RIMBP2: variants seen among roughly 807,000 people sequenced by gnomAD.
RIMBP2 encodes RIMS binding protein 2, also known as RIMS-binding protein 2.
Under a neutral mutation model 118.6 loss-of-function variants are expected in RIMBP2, and 48 were observed. That is an observed-to-expected ratio of 0.40 (90% CI 0.32 to 0.51). The LOEUF is 0.51. RIMBP2 is among the 20% of genes least tolerant of loss of function. The pLI is 0.41. For synonymous variants in RIMBP2, 762 were observed against 742.9 expected (o/e 1.03, Z -0.42); for missense variants, 1,551 against 1,768.3 (o/e 0.88, Z 2.20).
rs114717216 is a variant in RIMBP2, at chr12:130,438,566, G to C, written c.1505-50C>G. On this transcript the variant is annotated intron_variant, in intron 11 of 22. Coordinates refer to ENST00000690449, the MANE Select transcript of RIMBP2 (RefSeq NM_001393629.1). ...AGGCGTTCAGGGACCAGCCCTGGCAGGTGAGCCGTGACTGGGCTCTGCCCA... is the reference window on the plus strand; with the variant it reads ...AGGCGTTCAGGGACCAGCCCTGGCACGTGAGCCGTGACTGGGCTCTGCCCA... 172 of 1,477,780 alleles carry C rather than the reference G, an allele frequency of 1.2e-4. No homozygotes were observed. In the African/African-American group the frequency reaches 2.2e-3, roughly 19 times the overall value. The allele number at this position is 1,477,780 out of a possible 1,614,324, so 91.5% of individuals were successfully genotyped here.
intron 2 of RIMBP2, among the ~76,000 whole-genome samples, chr12:130,569,489 C>A (rs2057471972): frequency 6.6e-6 from 1 of 152,234 alleles, no homozygotes; most frequent in Non-Finnish European, 1.5e-5. Flanking sequence ...AAATACCTGT[C>A]TACATAAACT....
chr12:130,678,423 C>T (rs1298847914), intron 1 of RIMBP2, among the ~76,000 whole-genome samples: 1 of 152,222 alleles, frequency 6.6e-6, no homozygotes, highest in Non-Finnish European at 1.5e-5. Flanking sequence ...ACCAAAGGGG[C>T]GAAGTGCCCG....
rs74875315 is a variant in RIMBP2 at position 130,512,329 on chromosome 12, C to T, written c.-127+5499G>A. Among the ~76,000 whole-genome samples, 823 of 149,960 alleles carry T rather than the reference C, an allele frequency of 5.5e-3. 12 individuals are homozygous for T. The highest frequency in any genetic ancestry group is 0.019 in the African/African-American group (785 of 40,904). On this transcript the variant is annotated intron_variant, in intron 3 of 22. Transcript: ENST00000690449. ...TCTCTGCCTCAAAGTCCATTGCTTT[C>T]TTTTTTTTTTCTTGAGAGAGCCTCA...
intron 2 of RIMBP2, among the ~76,000 whole-genome samples, chr12:130,568,949 T>C (rs1029317668): frequency 4.6e-5 from 7 of 151,924 alleles, no homozygotes; most frequent in Non-Finnish European, 2.9e-5. Context: ...CACACAGCCA[T>C]TGTAACTATT....
At chr12:130,435,041 C>T (rs568038257) in intron 13 of RIMBP2, among the ~76,000 whole-genome samples, 161 bp from the exon 14 acceptor site, 26 of 151,244 alleles carry the variant, frequency 1.7e-4, no homozygotes, top group South Asian at 8.4e-4. Flanking sequence ...GCCCCAGACC[C>T]ACCAGAATCT....
intron 2 of RIMBP2, among the ~76,000 whole-genome samples, chr12:130,522,039 A>G (rs1377105033): frequency 6.6e-6 from 1 of 152,080 alleles, no homozygotes; most frequent in Non-Finnish European, 1.5e-5. Context: ...CCTTACCTCC[A>G]CTTATGCCCA....
intron 2 of RIMBP2, among the ~76,000 whole-genome samples, chr12:130,594,173 G>A (rs1486172391): frequency 6.6e-6 from 1 of 152,198 alleles, no homozygotes; most frequent in African/African-American, 2.4e-5. Context: ...TCACTTTTGG[G>A]AAGAACCTTC....
intron 21 of RIMBP2, among the ~76,000 whole-genome samples, chr12:130,403,073 A>G (rs758376732): frequency 1.1e-4 from 17 of 152,204 alleles, no homozygotes; most frequent in Non-Finnish European, 2.5e-4. Flanking sequence ...AGAACAGAGA[A>G]AGAGGAGGGT....
In RIMBP2 at chr12:130,664,417, A is replaced by ACGCACACG. The variant is rs1566439003; in HGVS notation, c.-351-35962_-351-35961insCGTGTGCG. ...CACACACGCACGCACGCACGCACACACACGCACACACATGCATGCACGCAC... is the reference window on the plus strand; with the variant it reads ...CACACACGCACGCACGCACGCACACACGCACACGCACGCACACACATGCATGCACGCAC... On this transcript the variant is annotated intron_variant, in intron 1 of 22. Coordinates refer to ENST00000690449, the MANE Select transcript of RIMBP2 (RefSeq NM_001393629.1). 5.0e-5 allele frequency among the ~76,000 whole-genome samples: 4 copies of ACGCACACG among 80,050 alleles called. 1 individual carries two copies. The highest frequency in any genetic ancestry group is 1.7e-4 in the African/African-American group (4 of 24,060). The allele number at this position is 80,050 out of a possible 152,430, so 52.5% of individuals were successfully genotyped here. A position where few individuals can be genotyped will look rare whatever the true frequency, so the allele number is the denominator to read the frequency against.
intron 2 of RIMBP2, among the ~76,000 whole-genome samples, chr12:130,592,759 G>A (rs1044784629): frequency 3.3e-5 from 5 of 152,118 alleles, no homozygotes; most frequent in Admixed American, 2.0e-4. Context: ...TGGCCGTGGC[G>A]GGCCAATCAG....
chr12:130,409,332 C>CTTTTTTTTT (rs35015661), intron 19 of RIMBP2, among the ~76,000 whole-genome samples: 2 of 65,384 alleles, frequency 3.1e-5, no homozygotes, highest in East Asian at 1.0e-3. Flanking sequence ...CAAAATGTAG[C>CTTTTTTTTT]TTTTTTTTTT....
At chr12:130,482,096 G>C (rs1310262338) in intron 4 of RIMBP2, among the ~76,000 whole-genome samples, 1 of 152,112 alleles carries the variant, frequency 6.6e-6, no homozygotes, top group Non-Finnish European at 1.5e-5. Flanking sequence ...AGACGCTTTG[G>C]GAACTCTTCT....
intron 19 of RIMBP2, among the ~76,000 whole-genome samples, chr12:130,410,098 A>C (rs1486160342): frequency 1.3e-5 from 2 of 152,220 alleles, no homozygotes; most frequent in African/African-American, 4.8e-5. Context: ...GTGTGTGTGC[A>C]TTGGTTTCTC....
chr12:130,461,651 T>TAGCTTGGC (rs1215317380), intron 6 of RIMBP2, among the ~76,000 whole-genome samples: 3 of 152,098 alleles, frequency 2.0e-5, no homozygotes, highest in Non-Finnish European at 4.4e-5. Context: ...CCCTCATGAA[T>TAGCTTGGC]AGCTTGGCGC....
chr12:130,522,605 C>T (rs564864803), intron 2 of RIMBP2, among the ~76,000 whole-genome samples: 10 of 152,286 alleles, frequency 6.6e-5, no homozygotes, highest in Admixed American at 4.6e-4. Flanking sequence ...GACTTCAAGG[C>T]GGGGCGCTGC....
At chr12:130,425,031 A>G in intron 15 of RIMBP2, 173 bp from the exon 16 acceptor site, 1 of 408,370 alleles carries the variant, frequency 2.4e-6, no homozygotes, top group Non-Finnish European at 4.2e-6. Context: ...TGCAATGAAA[A>G]CAGAATGGGT....
At chr12:130,441,313 A>G (rs986127184) in intron 11 of RIMBP2, among the ~76,000 whole-genome samples, 2 of 151,784 alleles carry the variant, frequency 1.3e-5, no homozygotes. Context: ...AGGCAGGAGA[A>G]TCGCTTGAAA....
At chr12:130,680,589 G>A (rs575567137) in intron 1 of RIMBP2, among the ~76,000 whole-genome samples, 57 of 152,292 alleles carry the variant, frequency 3.7e-4, no homozygotes, top group African/African-American at 1.2e-3. Flanking sequence ...CTAGGACCGC[G>A]GCTCTCGGGG....
intron 2 of RIMBP2, among the ~76,000 whole-genome samples, chr12:130,606,823 C>A (rs2060219462): frequency 6.6e-6 from 1 of 152,100 alleles, no homozygotes; most frequent in Non-Finnish European, 1.5e-5. Flanking sequence ...TCCGAGTCAC[C>A]ACAACAAGCA....
Sources: gnomAD v4.1 joint callset for allele counts (sites outside exome capture counted in the v4.1 genomes callset) on GRCh38, gnomAD v4.1.1 for gene constraint, MANE v1.5 for transcripts, NCBI Gene and HGNC (gene_info 2026-07-23, HGNC 2026-07-21) for gene names.